Variants in APBA2 observed in about 807,000 individuals in gnomAD.
APBA2 encodes amyloid beta precursor protein binding family A member 2, also known as amyloid-beta A4 precursor protein-binding family A member 2.
APBA2 carries 30 observed loss-of-function variants against 75.0 expected under a neutral mutation model. The ratio of observed to expected loss-of-function variants is 0.40; its 90% CI spans 0.30 to 0.54. The LOEUF is 0.54. Ranked by LOEUF, APBA2 falls within the 20% of genes least tolerant of loss-of-function variation. The pLI is 0.49. For synonymous variants in APBA2, 444 were observed against 409.6 expected (o/e 1.08, Z -1.01); for missense variants, 801 against 1,016.1 (o/e 0.79, Z 2.88).
intron 2 of APBA2, among the ~76,000 whole-genome samples, chr15:28,967,468 T>C (rs1456225292): frequency 2.0e-5 from 3 of 152,194 alleles, no homozygotes; most frequent in Non-Finnish European, 4.4e-5. Context: ...AGATGGAGTC[T>C]CGCTCTGTCA....
At chr15:28,945,231 C>T (rs1285967473) in intron 2 of APBA2, among the ~76,000 whole-genome samples, 4 of 152,104 alleles carry the variant, frequency 2.6e-5, no homozygotes, top group Admixed American at 6.5e-5. Flanking sequence ...AGTATTCAGC[C>T]GACCATTAAA....
intron 1 of APBA2, among the ~76,000 whole-genome samples, chr15:28,890,866 T>A (rs143108722): frequency 0.019 from 2,939 of 152,354 alleles, 47 homozygotes; most frequent in Middle Eastern, 0.054. Flanking sequence ...CTTCTCTTAC[T>A]GTCCTGAGAG....
At chr15:28,909,801 C>T (rs573107121) in intron 1 of APBA2, among the ~76,000 whole-genome samples, 3 of 152,272 alleles carry the variant, frequency 2.0e-5, no homozygotes, top group African/African-American at 7.2e-5. Context: ...TCCTGAAGGC[C>T]GTGTGACCAC....
chr15:29,014,918 C>T (rs2039582675), intron 3 of APBA2, among the ~76,000 whole-genome samples: 1 of 152,010 alleles, frequency 6.6e-6, no homozygotes, highest in Non-Finnish European at 1.5e-5. Flanking sequence ...TTTCCTGTCA[C>T]CTCTCTTTTT....
intron 3 of APBA2, among the ~76,000 whole-genome samples, chr15:29,053,321 A>G (rs1052937563): frequency 6.6e-6 from 1 of 152,084 alleles, no homozygotes; most frequent in Non-Finnish European, 1.5e-5. Flanking sequence ...CTCGGTGAAC[A>G]TTGTTCAGTT....
At chr15:28,969,889 C>T (rs2036973426) in intron 2 of APBA2, among the ~76,000 whole-genome samples, 1 of 152,244 alleles carries the variant, frequency 6.6e-6, no homozygotes, top group African/African-American at 2.4e-5. Context: ...ATGGAGCCTG[C>T]CAAGGCACTG....
intron 4 of APBA2, among the ~76,000 whole-genome samples, chr15:29,057,234 TG>T (rs1261786831): frequency 1.3e-5 from 2 of 152,212 alleles, no homozygotes; most frequent in Non-Finnish European, 2.9e-5. Context: ...TTGGCATTAC[TG>T]GGGAGCCCCG....
At chr15:28,897,750 A>C (rs1044463034) in intron 1 of APBA2, among the ~76,000 whole-genome samples, 7 of 152,180 alleles carry the variant, frequency 4.6e-5, no homozygotes, top group African/African-American at 1.7e-4. Flanking sequence ...TTTTTGTAGA[A>C]TTAACTAAAG....
Position 29,113,994 on chromosome 15 carries a change from C to T in APBA2, c.2156C>T (p.Ala719Val), listed in dbSNP as rs769822040. 6.2e-7 allele frequency: 1 copy of T among 1,613,870 alleles called. No individual in the cohort carries two copies. Among genetic ancestry groups the T allele is most frequent in the Non-Finnish European group, 8.5e-7 (1 of 1,180,034 alleles). Reference protein sequence around the residue: ...VATAHEKIVQALSNSVGEIHM... With the variant: ...VATAHEKIVQVLSNSVGEIHM... ...ACAGCCCACGAGAAGATAGTCCAAGCTCTGTCCAACTCGGTCGGAGAGGTA... is the reference window on the plus strand; with the variant it reads ...ACAGCCCACGAGAAGATAGTCCAAGTTCTGTCCAACTCGGTCGGAGAGGTA... Residue 719 changes from alanine to valine, a missense_variant, in exon 14 of 15, where the codon GCT (alanine) becomes GTT (valine). Physicochemically the swap from Ala to Val is moderately conservative, Grantham distance 64 (BLOSUM62 0). Around this residue, in one of 2 missense-constraint regions of APBA2, gnomAD observed 367 missense variants for 544.5 expected, o/e 0.67. Transcript: ENST00000683413.
At chr15:28,951,840 C>T (rs1186660110) in intron 2 of APBA2, among the ~76,000 whole-genome samples, 1 of 150,924 alleles carries the variant, frequency 6.6e-6, no homozygotes, top group East Asian at 2.0e-4. Flanking sequence ...CTTGGCCTCC[C>T]AAAGTGCTGG....
intron 1 of APBA2, among the ~76,000 whole-genome samples, chr15:28,908,045 G>C (rs1326474159): frequency 6.6e-6 from 1 of 152,224 alleles, no homozygotes; most frequent in Non-Finnish European, 1.5e-5. Context: ...TCTGTCCTCT[G>C]TGAAGTACCC....
intron 6 of APBA2, among the ~76,000 whole-genome samples, chr15:29,090,860 A>C (rs2043529907): frequency 6.6e-6 from 1 of 152,112 alleles, no homozygotes; most frequent in Non-Finnish European, 1.5e-5. Flanking sequence ...TCCCAGCCCC[A>C]CAGCCAGATG....
At chr15:29,001,092 C>A (rs1192096543) in intron 3 of APBA2, among the ~76,000 whole-genome samples, 1 of 152,208 alleles carries the variant, frequency 6.6e-6, no homozygotes, top group East Asian at 1.9e-4. Flanking sequence ...TGGCTTCTGT[C>A]TCTGTGGATT....
At chr15:29,101,534 G>A in intron 9 of APBA2, 65 bp from the exon 10 acceptor site, 5 of 1,549,998 alleles carry the variant, frequency 3.2e-6, no homozygotes, top group South Asian at 1.2e-5. Flanking sequence ...GCCCAGCCCT[G>A]GAGTACTTTT....
Position 28,991,899 on chromosome 15 carries a change from G to A in APBA2, c.-94-3854G>A, listed in dbSNP as rs528754752. 3.3e-5 allele frequency among the ~76,000 whole-genome samples: 5 copies of A among 152,276 alleles called. No homozygotes were observed. The East Asian group carries it at 9.7e-4, about 29-fold the overall frequency. ...CCAGAGTTTCCCAAACCTGTGTGCC[G>A]AGTGCCAGCCCCTTAGCAAGTGCAG... is the stretch of plus-strand genomic sequence containing the variant. On this transcript the variant is annotated intron_variant, in intron 2 of 14. Transcript: ENST00000683413. The surrounding 1 kb of genome is among the most constrained non-coding windows in gnomAD (Gnocchi z 4.7).
At chr15:29,049,761 C>G (rs1219888282) in intron 3 of APBA2, among the ~76,000 whole-genome samples, 2 of 152,130 alleles carry the variant, frequency 1.3e-5, no homozygotes, top group Non-Finnish European at 2.9e-5. Context: ...AGAGCAAAGA[C>G]AGGTCACATG....
intron 4 of APBA2, among the ~76,000 whole-genome samples, chr15:29,069,455 A>G (rs1319768533): frequency 3.3e-5 from 5 of 152,232 alleles, no homozygotes; most frequent in African/African-American, 1.2e-4. Flanking sequence ...CAGTGACAGA[A>G]CATTTTACAT....
At chr15:28,897,156 C>T (rs1273946404) in intron 1 of APBA2, among the ~76,000 whole-genome samples, 1 of 150,274 alleles carries the variant, frequency 6.7e-6, no homozygotes, top group Non-Finnish European at 1.5e-5. Context: ...TGAGAGAACA[C>T]CCAGTAGGAA....
At chr15:28,915,450 C>T (rs2033646367) in intron 1 of APBA2, among the ~76,000 whole-genome samples, 1 of 148,632 alleles carries the variant, frequency 6.7e-6, no homozygotes, top group Admixed American at 6.7e-5. Context: ...CGTATACATA[C>T]CACACACACC....
Sources: allele counts gnomAD v4.1 joint callset (sites outside exome capture counted in the v4.1 genomes callset), GRCh38; gene constraint gnomAD v4.1.1; regional missense constraint gnomAD v4.1.1; non-coding constraint Gnocchi (gnomAD v3.1); transcripts MANE v1.5; gene names NCBI Gene and HGNC (gene_info 2026-07-23, HGNC 2026-07-21).